The following CLCA1 variants were observed in gnomAD, a reference collection of about 807,000 sequenced individuals.
CLCA1 encodes calcium-activated chloride channel regulator 1.
In CLCA1, 59 loss-of-function variants were observed where a neutral mutation model predicts 85.6. That is an observed-to-expected ratio of 0.69 (90% CI 0.56 to 0.86). CLCA1 has a LOEUF of 0.86. Ranked by LOEUF, CLCA1 falls within the 40% of genes least tolerant of loss-of-function variation. The pLI is 0.00. For synonymous variants in CLCA1, 396 were observed against 398.3 expected (o/e 0.99, Z 0.07); for missense variants, 1,022 against 1,101.4 (o/e 0.93, Z 1.02).
At chr1:86,484,133 A>G (rs1647897693) in intron 5 of CLCA1, among the ~76,000 whole-genome samples, 1 of 152,178 alleles carries the variant, frequency 6.6e-6, no homozygotes, top group African/African-American at 2.4e-5. Flanking sequence ...CGTGGGGATT[A>G]CAAATCAAGA....
At position 86,486,114 on chromosome 1, in the gene CLCA1, C is replaced by T. The variant is rs374465087; in HGVS notation, c.955-412C>T. On this transcript the variant is annotated intron_variant, in intron 6 of 13. Coordinates refer to ENST00000394711, the MANE Select transcript of CLCA1 (RefSeq NM_001285.4). ...TCTCGTCAGAACTCACTCACTGTAACGAGAACATCCTGGAAGAAACCACCT... is the reference window on the plus strand; with the variant it reads ...TCTCGTCAGAACTCACTCACTGTAATGAGAACATCCTGGAAGAAACCACCT... Among the ~76,000 whole-genome samples the T allele has an allele frequency of 7.2e-5, 11 of 152,104 alleles. No homozygotes were observed. The East Asian group carries it at 9.7e-4, about 13-fold the overall frequency.
In CLCA1 at chr1:86,485,359, C is replaced by T; in HGVS notation, c.752C>T (p.Thr251Ile). Residue 251 changes from threonine to isoleucine, a missense_variant, in exon 6 of 14, where the codon ACA becomes ATA. Physicochemically the swap from Thr to Ile is moderately conservative, Grantham distance 89. Transcript: ENST00000394711. Reference sequence around the variant, plus strand: ...CAATTTCAGATAGTTGAATTCTGTACAGAACAAAACCACAACAAAGAAGCT... The same window carrying T: ...CAATTTCAGATAGTTGAATTCTGTATAGAACAAAACCACAACAAAGAAGCT... The part of the protein sequence containing the change: ...QHVDSIVEFC[T>I]EQNHNKEAPN... 6.2e-7 allele frequency: 1 copy of T among 1,613,290 alleles called. No homozygotes were observed. The highest frequency in any genetic ancestry group is 8.5e-7 in the Non-Finnish European group (1 of 1,179,290).
At chr1:86,473,281 G>T (rs374764034) in intron 1 of CLCA1, 136 bp from the exon 2 acceptor site, 3 of 577,990 alleles carry the variant, frequency 5.2e-6, no homozygotes, top group African/African-American at 3.7e-5. Flanking sequence ...TTATTAAAAG[G>T]TATTTCTATA....
At chr1:86,473,705 T>C (rs755566002) in intron 2 of CLCA1, 24 bp from the exon 3 acceptor site, 2 of 1,557,830 alleles carry the variant, frequency 1.3e-6, no homozygotes, top group Non-Finnish European at 1.7e-6. Context: ...TTTGTGATGA[T>C]AGAAACTTTT....
At chr1:86,478,007 G>A (rs778578646) in intron 4 of CLCA1, among the ~76,000 whole-genome samples, 11 of 152,086 alleles carry the variant, frequency 7.2e-5, no homozygotes, top group Non-Finnish European at 1.2e-4. Context: ...CACAGATTTG[G>A]CTTCCATTTC....
At position 86,473,462 on chromosome 1, in the gene CLCA1, A is replaced by G; in HGVS notation, c.208A>G (p.Lys70Glu). 1 of 1,610,018 alleles carries G rather than the reference A, an allele frequency of 6.2e-7. No homozygotes were observed. Among genetic ancestry groups the G allele is most frequent in the Non-Finnish European group, 8.5e-7 (1 of 1,176,600 alleles). Residue 70 changes from lysine (K) to glutamate (E), a missense_variant, in exon 2 of 14, where the codon AAG becomes GAG. Lys to Glu is a moderately conservative substitution (Grantham distance 56). Transcript: ENST00000394711. ...ASLYLLEATG[K>E]RFYFKNVAIL... ...TCTGTATCTGCTTGAAGCTACAGGA[A>G]AGCGATTTTATTTCAAAAATGTTGC...
Position 86,494,321 on chromosome 1 carries a change from C to G in CLCA1, c.1815C>G (p.Pro605=). 1 of 1,614,180 alleles carries G rather than the reference C, an allele frequency of 6.2e-7. No individual in the cohort carries two copies. Among genetic ancestry groups the G allele is most frequent in the Non-Finnish European group, 8.5e-7 (1 of 1,180,026 alleles). The change falls in exon 11 of 14, where the codon CCC becomes CCG. Residue 605 remains proline, a synonymous_variant. Coordinates refer to ENST00000394711, the MANE Select transcript of CLCA1 (RefSeq NM_001285.4). The stretch of plus-strand genomic sequence containing the variant: ...CGAACAAGGACACCAGCAAATTCCC[C>G]AGCCCTCTGGTAGTTTATGCAAATA... The part of the protein sequence containing the change: ...SKTNKDTSKF[P]SPLVVYANIR...
At chr1:86,476,261 A>T (rs1647632731) in intron 3 of CLCA1, among the ~76,000 whole-genome samples, 187 bp from the exon 4 acceptor site, 2 of 152,196 alleles carry the variant, frequency 1.3e-5, no homozygotes, top group African/African-American at 4.8e-5. Flanking sequence ...TTAACATTTG[A>T]TAAGCCAAAA....
chr1:86,476,489 G>T lies in CLCA1; in HGVS notation c.493G>T (p.Val165Leu). Residue 165 changes from valine to leucine, a missense_variant, in exon 4 of 14, where the codon GTA (valine) becomes TTA (leucine). By Grantham distance (32) the Val-to-Leu change is conservative. Coordinates refer to ENST00000394711, the MANE Select transcript of CLCA1 (RefSeq NM_001285.4). The part of the protein sequence containing the change: ...VHEWAHLRWG[V>L]FDEYNNDEKF... The stretch of plus-strand genomic sequence containing the variant: ...TGAGTGGGCTCATCTACGATGGGGA[G>T]TATTTGACGAGTACAATAATGATGA... 6.2e-7 allele frequency: 1 copy of T among 1,605,984 alleles called. No individual in the cohort carries two copies. Among genetic ancestry groups the T allele is most frequent in the Non-Finnish European group, 8.5e-7 (1 of 1,172,740 alleles).
At chr1:86,481,913 G>T (rs1225795221) in intron 4 of CLCA1, among the ~76,000 whole-genome samples, 1 of 152,192 alleles carries the variant, frequency 6.6e-6, no homozygotes, top group Non-Finnish European at 1.5e-5. Context: ...TAGATTCAAA[G>T]GTGCCTGAGG....
At chr1:86,473,593 T>G (rs1240233892) in intron 2 of CLCA1, 36 bp downstream of exon 2, 1 of 1,543,274 alleles carries the variant, frequency 6.5e-7, no homozygotes, top group African/African-American at 1.4e-5. Flanking sequence ...AATTCCACTT[T>G]CTCCTGTAAC....
chr1:86,487,218 C>A (rs1011280746), intron 7 of CLCA1, among the ~76,000 whole-genome samples: 2 of 152,184 alleles, frequency 1.3e-5, no homozygotes, highest in South Asian at 2.1e-4. Flanking sequence ...CAGATGCCTG[C>A]GTGCATCTGT....
chr1:86,498,662 G>C lies in CLCA1; in HGVS notation c.2204G>C (p.Gly735Ala). The C allele has an allele frequency of 6.2e-7, 1 of 1,613,960 alleles. No homozygotes were observed. Among genetic ancestry groups the C allele is most frequent in the Non-Finnish European group, 8.5e-7 (1 of 1,180,024 alleles). Residue 735 changes from glycine (G) to alanine (A), a missense_variant, in exon 13 of 14, where the codon GGC (glycine) becomes GCC (alanine). Transcript: ENST00000394711. The stretch of plus-strand genomic sequence containing the variant: ...TGTTTCAGCAGAACATCCTCGGGAG[G>C]CTCATTTGTGGCTTCTGATGTCCCA... ...QVCFSRTSSG[G>A]SFVASDVPNA...
chr1:86,494,455 ACC>A lies in CLCA1; in HGVS notation c.1942+9_1942+10del. ...CTACTGGATAATGGAGCAGGTAATCACCCAAGAAATTGGAAGATATTTATTTC... is the reference window on the plus strand; with the variant it reads ...CTACTGGATAATGGAGCAGGTAATCACAAGAAATTGGAAGATATTTATTTC... On this transcript the variant is annotated splice_region_variant and intron_variant, in intron 11 of 13. Transcript: ENST00000394711. The A allele has an allele frequency of 6.2e-7, 1 of 1,612,490 alleles. No individual in the cohort carries two copies. Among genetic ancestry groups the A allele is most frequent in the Non-Finnish European group, 8.5e-7 (1 of 1,178,788 alleles).
chr1:86,497,704 C>T (rs188583195), intron 12 of CLCA1, among the ~76,000 whole-genome samples: 5 of 152,104 alleles, frequency 3.3e-5, no homozygotes, highest in Admixed American at 2.0e-4. Context: ...ATACAAACAT[C>T]GAGAAAGTGA....
At chr1:86,485,209 C>T in intron 5 of CLCA1, 134 bp from the exon 6 acceptor site, 4 of 688,578 alleles carry the variant, frequency 5.8e-6, no homozygotes, top group African/African-American at 1.8e-5. Flanking sequence ...CTGTGATTTT[C>T]CCCAGCACTG....
Position 86,499,888 on chromosome 1 carries a change from CTT to C in CLCA1, c.2590_2591del (p.Leu864ValfsTer12). The C allele has an allele frequency of 6.2e-7, 1 of 1,613,920 alleles. No homozygotes were observed. Among genetic ancestry groups the C allele is most frequent in the Non-Finnish European group, 8.5e-7 (1 of 1,179,920 alleles). On this transcript the variant is annotated frameshift_variant, in exon 14 of 14. Transcript: ENST00000394711. LOFTEE classifies it low-confidence loss of function (END_TRUNC). ...GAAATATCCAACATTGCACGAGTAT[CTT>C]TGTTTATTCCTCCACAGACTCCGCC...
At chr1:86,484,105 C>T (rs1320408098) in intron 5 of CLCA1, among the ~76,000 whole-genome samples, 2 of 152,180 alleles carry the variant, frequency 1.3e-5, no homozygotes, top group South Asian at 2.1e-4. Context: ...CACCTCCCAC[C>T]AGATCCCTCC....
At chr1:86,495,439 A>T in intron 11 of CLCA1, 66 bp from the exon 12 acceptor site, 4 of 1,304,218 alleles carry the variant, frequency 3.1e-6, no homozygotes, top group Non-Finnish European at 4.3e-6. Context: ...TAGCCTACAT[A>T]TGAGTTGGAA....
Sources: gnomAD v4.1 joint callset for allele counts (sites outside exome capture counted in the v4.1 genomes callset) on GRCh38, gnomAD v4.1.1 for gene constraint, MANE v1.5 for transcripts, NCBI Gene and HGNC (gene_info 2026-07-23, HGNC 2026-07-21) for gene names.